The following LIN28B variants were observed in gnomAD, a reference collection of about 807,000 sequenced individuals.
LIN28B encodes lin-28 RNA binding posttranscriptional regulator B.
LIN28B carries 5 observed loss-of-function variants against 21.9 expected under a neutral mutation model. The ratio of observed to expected loss-of-function variants is 0.23; its 90% CI spans 0.12 to 0.48. LIN28B has a LOEUF of 0.48. LIN28B is among the 20% of genes least tolerant of loss of function. The pLI is 0.98. For synonymous variants in LIN28B, 109 were observed against 111.3 expected (o/e 0.98, Z 0.13); for missense variants, 245 against 310.5 (o/e 0.79, Z 1.58).
intron 2 of LIN28B, among the ~76,000 whole-genome samples, chr6:104,959,998 A>G (rs1023750671): frequency 1.3e-5 from 2 of 152,170 alleles, no homozygotes; most frequent in Non-Finnish European, 1.5e-5. Flanking sequence ...TGTTTATACT[A>G]TTTAATGATT....
chr6:104,959,593 A>G (rs555132648), intron 2 of LIN28B, among the ~76,000 whole-genome samples: 29 of 152,278 alleles, frequency 1.9e-4, no homozygotes, highest in Non-Finnish European at 3.5e-4. Flanking sequence ...GGCTGTTTAT[A>G]TGTGGAAGGA....
At chr6:105,070,592 C>CCACACACA (rs752057191) in intron 3 of LIN28B, among the ~76,000 whole-genome samples, 6,248 of 92,142 alleles carry the variant, frequency 0.068, 437 homozygotes, top group African/African-American at 0.069. Context: ...ATCAATAAAA[C>CCACACACA]CACACACACA....
At position 105,037,486 on chromosome 6, in the gene LIN28B, C is replaced by T. The variant is rs1471655596; in HGVS notation, c.383+11004C>T. Among the ~76,000 whole-genome samples, 5 of 147,908 alleles carry T rather than the reference C, an allele frequency of 3.4e-5. No homozygotes were observed. In the East Asian group the frequency reaches 9.9e-4, roughly 29 times the overall value. On this transcript the variant is annotated intron_variant, in intron 3 of 3. Transcript: ENST00000345080. ...CTCACTTCTCCTCCCCTCTCCTCCC[C>T]CTCCTCCCCCTCCTCCCCGCTCCCT...
intron 3 of LIN28B, chr6:104,950,639 A>G (rs1778210371): frequency 2.2e-6 from 1 of 457,366 alleles, no homozygotes; most frequent in Non-Finnish European, 3.5e-6. Flanking sequence ...CAAGACAGGT[A>G]CCAAGTCCTC....
rs1283191533 is a variant in LIN28B at position 105,083,123 on chromosome 6, GTT to G, written c.*4344_*4345del. The G allele has an allele frequency of 2.0e-5, 3 of 151,704 alleles. No homozygotes were observed. In the Admixed American group the frequency reaches 2.0e-4, roughly 10 times the overall value. 9.4% of individuals were successfully genotyped at this position (151,704 alleles called of 1,614,324 possible). A position where few individuals can be genotyped will look rare whatever the true frequency, so the allele number is the denominator to read the frequency against. On this transcript the variant is annotated 3_prime_UTR_variant, in exon 4 of 4. Coordinates refer to ENST00000345080, the MANE Select transcript of LIN28B (RefSeq NM_001004317.4). ...GAAAATAAAAACACTTGAACTGTAT[GTT>G]TTTAAAAGACAAAAAAGGGGTAGAT...
intron 3 of LIN28B, among the ~76,000 whole-genome samples, chr6:104,951,554 G>A (rs185241793): frequency 5.9e-5 from 9 of 151,292 alleles, no homozygotes; most frequent in Admixed American, 4.6e-4. Context: ...CCTTATTATC[G>A]ACTGTGGTTT....
chr6:105,041,890 A>G (rs898640283), intron 3 of LIN28B, among the ~76,000 whole-genome samples: 2 of 152,048 alleles, frequency 1.3e-5, no homozygotes, highest in Admixed American at 6.6e-5. Context: ...TTGGCCTGGC[A>G]TGGGAGGGTG....
At chr6:104,969,674 A>G (rs1186145314) in intron 2 of LIN28B, among the ~76,000 whole-genome samples, 1 of 152,208 alleles carries the variant, frequency 6.6e-6, no homozygotes, top group Admixed American at 6.5e-5. Context: ...AAGTGTGGTC[A>G]TATGATGTTT....
chr6:105,043,341 CAAAAAAAAAAAAA>C (rs57532096), intron 3 of LIN28B, among the ~76,000 whole-genome samples: 4 of 75,386 alleles, frequency 5.3e-5, no homozygotes, highest in African/African-American at 7.2e-5. Flanking sequence ...GACTCTGTCT[CAAAAAAAAAAAAA>C]AAAAAAAAAA....
chr6:105,024,886 T>G (rs772486069), intron 2 of LIN28B, among the ~76,000 whole-genome samples: 16 of 152,210 alleles, frequency 1.1e-4, no homozygotes, highest in African/African-American at 1.7e-4. Context: ...GTTCGTCATC[T>G]GTACTTAAAG....
At chr6:104,994,996 A>G (rs2114278182) in intron 2 of LIN28B, among the ~76,000 whole-genome samples, 1 of 152,318 alleles carries the variant, frequency 6.6e-6, no homozygotes, top group South Asian at 2.1e-4. Context: ...TTTGAGCACC[A>G]ACTTACTGTC....
At chr6:104,983,436 A>G (rs1485359452) in intron 2 of LIN28B, among the ~76,000 whole-genome samples, 3 of 152,246 alleles carry the variant, frequency 2.0e-5, no homozygotes, top group Admixed American at 6.5e-5. Context: ...TTTGGCCAGT[A>G]GCACCTGGCT....
chr6:104,956,175 T>C (rs965163905), upstream of LIN28B, among the ~76,000 whole-genome samples: 5 of 151,980 alleles, frequency 3.3e-5, no homozygotes, highest in African/African-American at 1.2e-4. Flanking sequence ...TCCCACCTCT[T>C]TCTTTGACTC....
intron 2 of LIN28B, among the ~76,000 whole-genome samples, chr6:105,009,930 T>C (rs1422755885): frequency 2.6e-5 from 4 of 152,176 alleles, no homozygotes; most frequent in Non-Finnish European, 5.9e-5. Flanking sequence ...TTCATTCATA[T>C]TCATATTCAT....
At chr6:104,947,246 T>C (rs979573074) in intron 2 of LIN28B, among the ~76,000 whole-genome samples, 21 of 152,120 alleles carry the variant, frequency 1.4e-4, no homozygotes, top group African/African-American at 3.6e-4. Context: ...TGCTTCAGCC[T>C]CCTCAGTAGC....
chr6:105,029,903 A>C (rs1771383253), intron 3 of LIN28B, among the ~76,000 whole-genome samples: 1 of 152,174 alleles, frequency 6.6e-6, no homozygotes, highest in African/African-American at 2.4e-5. Context: ...GAAGACATTG[A>C]AAAGGTGGTA....
chr6:104,956,595 G>A, upstream of LIN28B, among the ~76,000 whole-genome samples: 1 of 151,984 alleles, frequency 6.6e-6, no homozygotes, highest in Admixed American at 6.6e-5. Flanking sequence ...GATGTAATTA[G>A]GTTTAATTAG....
chr6:104,961,745 A>AT (rs1281899569), intron 2 of LIN28B, among the ~76,000 whole-genome samples: 2 of 152,160 alleles, frequency 1.3e-5, no homozygotes, highest in Admixed American at 1.3e-4. Flanking sequence ...TCAGAATATG[A>AT]TTATTTTGTA....
chr6:105,013,348 A>G, intron 2 of LIN28B, among the ~76,000 whole-genome samples: 1 of 151,692 alleles, frequency 6.6e-6, no homozygotes. Context: ...TTTGAAGCCT[A>G]ATGATGTTGA....
Sources: allele counts gnomAD v4.1 joint callset (sites outside exome capture counted in the v4.1 genomes callset), GRCh38; gene constraint gnomAD v4.1.1; transcripts MANE v1.5; gene names NCBI Gene and HGNC (gene_info 2026-07-23, HGNC 2026-07-21).